RAB3IP: variants seen among roughly 807,000 people sequenced by gnomAD.
RAB3IP encodes the protein RAB3A interacting protein, also known as rab-3A-interacting protein.
RAB3IP carries 36 observed loss-of-function variants against 59.1 expected under a neutral mutation model. That is an observed-to-expected ratio of 0.61 (90% confidence interval 0.47 to 0.80). RAB3IP has a LOEUF of 0.80. RAB3IP is among the 30% of genes least tolerant of loss of function. The pLI is 0.00. For missense variants in RAB3IP, 511 were observed against 536.0 expected (o/e 0.95, Z 0.46); for synonymous variants, 207 against 191.2 (o/e 1.08, Z -0.68).
At chr12:69,741,389 G>C (rs1887327786) in intron 1 of RAB3IP, among the ~76,000 whole-genome samples, 1 of 152,192 alleles carries the variant, frequency 6.6e-6, no homozygotes, top group Non-Finnish European at 1.5e-5. Flanking sequence ...GCCCAAAATG[G>C]AACGTAGTGC....
In RAB3IP at chr12:69,761,107, C is replaced by T. The variant is rs148711141; in HGVS notation, c.510+4444C>T. On this transcript the variant is annotated intron_variant, in intron 3 of 10. Coordinates refer to ENST00000247833, the MANE Select transcript of RAB3IP (RefSeq NM_022456.5). ...TCATTTAAAAATCTTTTTTTCCTCA[C>T]TGTGTTTCATTGTGGGTAGTTTCTA... is the stretch of plus-strand genomic sequence containing the variant. Among the ~76,000 whole-genome samples the T allele has an allele frequency of 4.6e-5, 7 of 152,222 alleles. No homozygotes were observed. In the East Asian group the frequency reaches 1.4e-3, roughly 29 times the overall value.
chr12:69,817,495 A>G lies in RAB3IP; in HGVS notation c.*2049A>G, dbSNP rs1361008057. On this transcript the variant is annotated 3_prime_UTR_variant, in exon 11 of 11. Coordinates refer to ENST00000247833, the MANE Select transcript of RAB3IP (RefSeq NM_022456.5). ...CATAAAAGAATATAAGTTATGGTAT[A>G]TTATAAATTCTTAATTTAGAAATCG... is the stretch of plus-strand genomic sequence containing the variant. 3 of 152,024 alleles carry G rather than the reference A, an allele frequency of 2.0e-5. No homozygotes were observed. The highest frequency in any genetic ancestry group is 7.2e-5 in the African/African-American group (3 of 41,428). 9.4% of individuals were successfully genotyped at this position (152,024 alleles called of 1,614,324 possible).
rs1881059371 is a variant in RAB3IP, at chr12:69,815,665, G to T, written c.*219G>T. 2 of 310,424 alleles carry T rather than the reference G, an allele frequency of 6.4e-6. No homozygotes were observed. The highest frequency in any genetic ancestry group is 1.2e-5 in the Non-Finnish European group (2 of 171,886). 19.2% of individuals were successfully genotyped at this position (310,424 alleles called of 1,614,324 possible). A position where few individuals can be genotyped will look rare whatever the true frequency, so the allele number is the denominator to read the frequency against. ...TATGAAGAATTCCAGGTGTACTAGT[G>T]AATGTAATTTATAGTTGCCAAAAAA... On this transcript the variant is annotated 3_prime_UTR_variant, in exon 11 of 11. Transcript: ENST00000247833.
At position 69,746,475 on chromosome 12, in the gene RAB3IP, C is replaced by T. The variant is rs181844009; in HGVS notation, c.-26+7444C>T. Among the ~76,000 whole-genome samples, 36 of 152,224 alleles carry T rather than the reference C, an allele frequency of 2.4e-4. No individual in the cohort carries two copies. The East Asian group carries it at 6.6e-3, about 28-fold the overall frequency. ...ATTTTACTTCTCTTTGAGACATTCT[C>T]CTCTTCCCTCTTCCCTCCCCACAAC... On this transcript the variant is annotated intron_variant, in intron 1 of 10. Transcript: ENST00000247833.
At chr12:69,766,488 T>G (rs2136159936) in intron 3 of RAB3IP, among the ~76,000 whole-genome samples, 1 of 151,942 alleles carries the variant, frequency 6.6e-6, no homozygotes, top group South Asian at 2.1e-4. Context: ...TACGTCAGTT[T>G]TTTGGTTCCA....
At position 69,822,266 on chromosome 12, in the gene RAB3IP, A is replaced by G. The variant is rs1881828293; in HGVS notation, c.*6820A>G. On this transcript the variant is annotated 3_prime_UTR_variant, in exon 11 of 11. Transcript: ENST00000247833. Reference sequence around the variant, plus strand: ...GCCAGTAACCATTGCTTTGTTTTACATCGCGTGCTTCAGGCTTTACTACAG... The same window carrying G: ...GCCAGTAACCATTGCTTTGTTTTACGTCGCGTGCTTCAGGCTTTACTACAG... The G allele has an allele frequency of 6.6e-6, 1 of 152,206 alleles. No homozygotes were observed. Among genetic ancestry groups the G allele is most frequent in the Non-Finnish European group, 1.5e-5 (1 of 68,036 alleles). The allele number at this position is 152,206 out of a possible 1,614,324, so 9.4% of individuals were successfully genotyped here.
chr12:69,738,671 G>A (rs1437788091), upstream of RAB3IP: 1 of 152,182 alleles, frequency 6.6e-6, no homozygotes, highest in Admixed American at 6.5e-5. Context: ...ACCGCCCGCG[G>A]AGGAACCTCG....
At chr12:69,798,040 G>A (rs1877796180) in intron 6 of RAB3IP, among the ~76,000 whole-genome samples, 1 of 152,186 alleles carries the variant, frequency 6.6e-6, no homozygotes, top group African/African-American at 2.4e-5. Flanking sequence ...TATATACCCA[G>A]TAATGGGATG....
At chr12:69,773,399 C>CTTTTTTTTTTTTTTTTTTT (rs71437123) in intron 3 of RAB3IP, among the ~76,000 whole-genome samples, 11 of 48,004 alleles carry the variant, frequency 2.3e-4, no homozygotes, top group Non-Finnish European at 3.7e-4. Flanking sequence ...ATTTGTCTTT[C>CTTTTTTTTTTTTTTTTTTT]TTTTTTTTTT....
chr12:69,752,692 A>G (rs1869534723), intron 1 of RAB3IP, among the ~76,000 whole-genome samples: 1 of 152,106 alleles, frequency 6.6e-6, no homozygotes, highest in Admixed American at 6.6e-5. Context: ...GATTCAGTGA[A>G]CCTTCAGGAT....
chr12:69,795,465 G>A, intron 6 of RAB3IP, 121 bp downstream of exon 6: 1 of 754,308 alleles, frequency 1.3e-6, no homozygotes, highest in Non-Finnish European at 2.3e-6. Context: ...GTATTAAGAT[G>A]GGGGAGGCTT....
At chr12:69,813,058 G>A in intron 10 of RAB3IP, 25 bp downstream of exon 10, 1 of 1,552,606 alleles carries the variant, frequency 6.4e-7, no homozygotes, top group Non-Finnish European at 8.8e-7. Flanking sequence ...TTCAATATAA[G>A]TCTTTACATA....
intron 4 of RAB3IP, among the ~76,000 whole-genome samples, chr12:69,793,428 A>G (rs949432669): frequency 6.6e-6 from 1 of 152,188 alleles, no homozygotes; most frequent in East Asian, 1.9e-4. Context: ...TGAGGGTGCC[A>G]TTGTCAAACT....
chr12:69,799,297 C>A (rs1878008825), intron 6 of RAB3IP, among the ~76,000 whole-genome samples: 1 of 152,156 alleles, frequency 6.6e-6, no homozygotes, highest in Non-Finnish European at 1.5e-5. Flanking sequence ...TCCAGTGCCT[C>A]TGGAGAAGAG....
At chr12:69,796,599 T>G (rs1341388123) in intron 6 of RAB3IP, 1 of 613,212 alleles carries the variant, frequency 1.6e-6, no homozygotes, top group Admixed American at 2.6e-5. Flanking sequence ...TTAACCTGTT[T>G]TAATTGAATT....
At chr12:69,753,419 T>G (rs1207050730) in intron 1 of RAB3IP, among the ~76,000 whole-genome samples, 1 of 152,160 alleles carries the variant, frequency 6.6e-6, no homozygotes, top group African/African-American at 2.4e-5. Flanking sequence ...TGAAGTGCAG[T>G]GTCTCAGCTC....
chr12:69,820,928 A>G lies in RAB3IP; in HGVS notation c.*5482A>G, dbSNP rs1410782125. The G allele has an allele frequency of 6.6e-6, 1 of 152,010 alleles. No individual in the cohort carries two copies. Among genetic ancestry groups the G allele is most frequent in the Non-Finnish European group, 1.5e-5 (1 of 68,008 alleles). The allele number at this position is 152,010 out of a possible 1,614,324, so 9.4% of individuals were successfully genotyped here. On this transcript the variant is annotated 3_prime_UTR_variant, in exon 11 of 11. Coordinates refer to ENST00000247833, the MANE Select transcript of RAB3IP (RefSeq NM_022456.5). ...CATAGTGGTAGTTGTTAACAGAGAA[A>G]TAACAATGAAAGCTTTAAAAAACTC...
chr12:69,744,700 A>C lies in RAB3IP; in HGVS notation c.-26+5669A>C, dbSNP rs552456565. Among the ~76,000 whole-genome samples, 388 of 152,272 alleles carry C rather than the reference A, an allele frequency of 2.5e-3. 2 individuals carry two copies. The Middle Eastern group carries it at 0.041, about 16-fold the overall frequency. ...GAGCGAGACTGCATCTCAAAAAAAA[A>C]AAAAAAAAAGTATTGTGGAATTAGT... On this transcript the variant is annotated intron_variant, in intron 1 of 10. Transcript: ENST00000247833.
intron 8 of RAB3IP, among the ~76,000 whole-genome samples, chr12:69,810,006 G>C (rs1210988479): frequency 6.6e-6 from 1 of 152,142 alleles, no homozygotes; most frequent in Non-Finnish European, 1.5e-5. Flanking sequence ...TTTCTGCTCT[G>C]TTTTTTCCCC....
Sources: allele counts gnomAD v4.1 joint callset (sites outside exome capture counted in the v4.1 genomes callset), GRCh38; gene constraint gnomAD v4.1.1; transcripts MANE v1.5; gene names NCBI Gene and HGNC (gene_info 2026-07-23, HGNC 2026-07-21).